SH3BP5L: variants seen among roughly 807,000 people sequenced by gnomAD.
SH3BP5L encodes the protein SH3 binding domain protein 5 like.
In SH3BP5L, 16 loss-of-function variants were observed where a neutral mutation model predicts 40.9. That is an observed-to-expected ratio of 0.39 (90% CI 0.27 to 0.59). SH3BP5L has a LOEUF of 0.59. Ranked by LOEUF, SH3BP5L falls within the 20% of genes least tolerant of loss-of-function variation. SH3BP5L has a pLI of 0.53. For missense variants in SH3BP5L, 471 were observed against 544.6 expected, an observed-to-expected ratio of 0.86 and a Z score of 1.35; for synonymous variants, 229 against 226.7, an observed-to-expected ratio of 1.01 and a Z score of -0.09.
intron 2 of SH3BP5L, among the ~76,000 whole-genome samples, chr1:248,818,789 C>G (rs1170382775): frequency 3.9e-5 from 6 of 152,226 alleles, no homozygotes; most frequent in Non-Finnish European, 8.8e-5. Context: ...TACTGAGGAG[C>G]AGTGCTGGTC....
chr1:248,816,738 A>G (rs75186262), intron 3 of SH3BP5L, 76 bp from the exon 4 acceptor site: 1 of 1,610,658 alleles, frequency 6.2e-7, no homozygotes, highest in African/African-American at 1.3e-5. Flanking sequence ...CACCCCTCCC[A>G]CCGCCACTGC....
At position 248,816,579 on chromosome 1, in the gene SH3BP5L, G is replaced by C. The variant is rs369889016; in HGVS notation, c.330C>G (p.Ile110Met). Residue 110 changes from isoleucine to methionine, a missense_variant, in exon 4 of 7, where the codon ATC becomes ATG. Physicochemically the swap from Ile to Met is conservative, Grantham distance 10. Around this residue, in one of 2 missense-constraint regions of SH3BP5L, gnomAD observed 275 missense variants for 370.1 expected, o/e 0.74. Coordinates refer to ENST00000366472, the MANE Select transcript of SH3BP5L (RefSeq NM_030645.3). ...NTQGSHLGSC[I>M]EKARPYYEAR... is the part of the protein sequence containing the mutation. ...CCTCATAGTAGGGCCGGGCTTTCTC[G>C]ATGCAGCTCCCCAAGTGGGAACCCT... The C allele has an allele frequency of 6.2e-7, 1 of 1,614,132 alleles. No individual in the cohort carries two copies. The highest frequency in any genetic ancestry group is 1.7e-5 in the Admixed American group (1 of 60,026).
intron 4 of SH3BP5L, chr1:248,814,860 G>A: frequency 1.6e-6 from 1 of 626,010 alleles, no homozygotes; most frequent in Middle Eastern, 3.7e-4. Flanking sequence ...CACTCCCAAA[G>A]GCTGCTAGCC....
Position 248,814,289 on chromosome 1 carries a change from C to T in SH3BP5L, c.537+160G>A, listed in dbSNP as rs113994839. ...AATGGAATATGGGAAGCAATGGAGG[C>T]CAAACAGAACAGAAAACTAGGAACA... On this transcript the variant is annotated intron_variant, in intron 5 of 6. Transcript: ENST00000366472. 3,880 of 770,426 alleles carry T rather than the reference C, an allele frequency of 5.0e-3. 113 individuals carry two copies. The African/African-American group carries it at 0.062, about 12-fold the overall frequency. 47.7% of individuals were successfully genotyped at this position (770,426 alleles called of 1,614,324 possible). A position where few individuals can be genotyped will look rare whatever the true frequency, so the allele number is the denominator to read the frequency against.
At chr1:248,823,095 T>C (rs546978375) in intron 2 of SH3BP5L, among the ~76,000 whole-genome samples, 1 of 152,272 alleles carries the variant, frequency 6.6e-6, no homozygotes, top group Non-Finnish European at 1.5e-5. Flanking sequence ...ATGCAGACAC[T>C]GGAAAAATAC....
At chr1:248,825,469 C>T in intron 1 of SH3BP5L, 103 bp from the exon 2 acceptor site, 2 of 795,222 alleles carry the variant, frequency 2.5e-6, no homozygotes, top group Non-Finnish European at 3.1e-6. Flanking sequence ...ACTCTCACCA[C>T]GCCCCCACCC....
chr1:248,815,689 T>C (rs1664087215), intron 4 of SH3BP5L, among the ~76,000 whole-genome samples: 1 of 152,194 alleles, frequency 6.6e-6, no homozygotes, highest in Non-Finnish European at 1.5e-5. Context: ...CCCTAAGTCA[T>C]CCCAGGGCCA....
At position 248,811,866 on chromosome 1, in the gene SH3BP5L, T is replaced by A; in HGVS notation, c.*34A>T. ...ACTGTGGGCCCCAACCGGCCCGTGG[T>A]GGCAGATTCAAGCCAGGAACCCTGG... On this transcript the variant is annotated 3_prime_UTR_variant, in exon 7 of 7. Coordinates refer to ENST00000366472, the MANE Select transcript of SH3BP5L (RefSeq NM_030645.3). The A allele has an allele frequency of 7.0e-7, 1 of 1,429,060 alleles. No homozygotes were observed. Among genetic ancestry groups the A allele is most frequent in the Non-Finnish European group, 9.4e-7 (1 of 1,068,352 alleles). 88.5% of individuals were successfully genotyped at this position (1,429,060 alleles called of 1,614,324 possible). A position where few individuals can be genotyped will look rare whatever the true frequency, so the allele number is the denominator to read the frequency against.
intron 2 of SH3BP5L, among the ~76,000 whole-genome samples, chr1:248,818,917 G>T (rs1038659149): frequency 1.3e-5 from 2 of 152,234 alleles, no homozygotes; most frequent in East Asian, 1.9e-4. Flanking sequence ...AGCCCAGCAT[G>T]TGCCTGCTGC....
At chr1:248,823,378 T>G (rs969928281) in intron 2 of SH3BP5L, among the ~76,000 whole-genome samples, 1 of 149,696 alleles carries the variant, frequency 6.7e-6, no homozygotes, top group African/African-American at 2.6e-5. Flanking sequence ...CTGCTCACTT[T>G]ACAGATGAAG....
rs987129810 is a variant in SH3BP5L at position 248,812,506 on chromosome 1, C to T, written c.712-136G>A. The T allele has an allele frequency of 3.2e-6, 2 of 621,032 alleles. No homozygotes were observed. Among genetic ancestry groups the T allele is most frequent in the Non-Finnish European group, 5.5e-6 (2 of 363,656 alleles). The allele number at this position is 621,032 out of a possible 1,614,324, so 38.5% of individuals were successfully genotyped here. On this transcript the variant is annotated intron_variant, in intron 6 of 6. Coordinates refer to ENST00000366472, the MANE Select transcript of SH3BP5L (RefSeq NM_030645.3). This position sits in a 1 kb window ranked among gnomAD's most constrained non-coding sequence, Gnocchi z 6.1. Reference sequence around the variant, plus strand: ...CTCAGCATCCACCACAGACCCACAACAGCCTTCCCTGCTCCACTCTCAGCA... The same window carrying T: ...CTCAGCATCCACCACAGACCCACAATAGCCTTCCCTGCTCCACTCTCAGCA...
At chr1:248,813,848 C>T (rs1048925841) in intron 5 of SH3BP5L, 1 of 161,318 alleles carries the variant, frequency 6.2e-6, no homozygotes, top group Non-Finnish European at 1.4e-5. Flanking sequence ...TCCCCCCGTG[C>T]TGTGTGCTCT....
chr1:248,819,349 T>G (rs1664191870), intron 2 of SH3BP5L, among the ~76,000 whole-genome samples: 1 of 150,526 alleles, frequency 6.6e-6, no homozygotes, highest in South Asian at 2.1e-4. Flanking sequence ...AGAAGAACTG[T>G]CCTGGGCCAC....
In SH3BP5L at chr1:248,810,626, T is replaced by G. The variant is rs180740037; in HGVS notation, c.*1274A>C. The stretch of plus-strand genomic sequence containing the variant: ...ACCTCCCTCAACCTGTAGACCCCCG[T>G]GCAGAGTCCAGTTGCCCACGCATCC... On this transcript the variant is annotated 3_prime_UTR_variant, in exon 7 of 7. Coordinates refer to ENST00000366472, the MANE Select transcript of SH3BP5L (RefSeq NM_030645.3). The G allele has an allele frequency of 6.6e-6, 1 of 152,382 alleles. No homozygotes were observed. Among genetic ancestry groups the G allele is most frequent in the East Asian group, 1.9e-4 (1 of 5,182 alleles). 9.4% of individuals were successfully genotyped at this position (152,382 alleles called of 1,614,324 possible). A position where few individuals can be genotyped will look rare whatever the true frequency, so the allele number is the denominator to read the frequency against.
At chr1:248,814,640 A>C in intron 4 of SH3BP5L, 30 bp from the exon 5 acceptor site, 1 of 1,611,966 alleles carries the variant, frequency 6.2e-7, no homozygotes, top group Non-Finnish European at 8.5e-7. Context: ...AGGATGGGGA[A>C]CCCTGAGGGA....
intron 5 of SH3BP5L, chr1:248,813,963 T>C (rs1664029456): frequency 1.1e-5 from 2 of 174,158 alleles, no homozygotes; most frequent in Non-Finnish European, 1.2e-5. Flanking sequence ...ACACCTGCCC[T>C]GTGCAAGCTG....
intron 2 of SH3BP5L, among the ~76,000 whole-genome samples, chr1:248,820,162 G>A (rs1206248686): frequency 6.6e-6 from 1 of 151,958 alleles, no homozygotes; most frequent in Non-Finnish European, 1.5e-5. Context: ...GTTGTATTTG[G>A]GTAGATGCAT....
rs938361783 is a variant in SH3BP5L at position 248,810,939 on chromosome 1, T to A, written c.*961A>T. ...TTTGGGGAAGAGCAAGGGAGAGCAA[T>A]TGAGCACCAAATTCCCTAACCCCGT... On this transcript the variant is annotated 3_prime_UTR_variant, in exon 7 of 7. Transcript: ENST00000366472. The A allele has an allele frequency of 6.6e-6, 1 of 152,626 alleles. No homozygotes were observed. The highest frequency in any genetic ancestry group is 1.5e-5 in the Non-Finnish European group (1 of 68,066). The allele number at this position is 152,626 out of a possible 1,614,324, so 9.5% of individuals were successfully genotyped here.
In SH3BP5L at chr1:248,813,053, C is replaced by T. The variant is rs147847671; in HGVS notation, c.647G>A (p.Arg216Gln). Residue 216 changes from arginine to glutamine, a missense_variant, in exon 6 of 7, where the codon CGG (arginine) becomes CAG (glutamine). Coordinates refer to ENST00000366472, the MANE Select transcript of SH3BP5L (RefSeq NM_030645.3). Reference sequence around the variant, plus strand: ...GGGGCGGCTCTTGCCGATGGCCCTCCGGAGGGTCTTCTGCAGGGCTTGGAC... The same window carrying T: ...GGGGCGGCTCTTGCCGATGGCCCTCTGGAGGGTCTTCTGCAGGGCTTGGAC... ...ARVQALQKTL[R>Q]RAIGKSRPYF... The T allele has an allele frequency of 8.3e-5, 133 of 1,611,678 alleles. No homozygotes were observed. The highest frequency in any genetic ancestry group is 1.1e-4 in the Non-Finnish European group (124 of 1,178,332).
Sources: allele counts gnomAD v4.1 joint callset (sites outside exome capture counted in the v4.1 genomes callset), GRCh38; gene constraint gnomAD v4.1.1; regional missense constraint gnomAD v4.1.1; non-coding constraint Gnocchi (gnomAD v3.1); transcripts MANE v1.5; gene names NCBI Gene and HGNC (gene_info 2026-07-23, HGNC 2026-07-21).